The following LGR5 variants were observed in gnomAD, a reference collection of about 807,000 sequenced individuals.
LGR5 encodes the protein leucine rich repeat containing G protein-coupled receptor 5.
Under a neutral mutation model 76.7 loss-of-function variants are expected in LGR5, and 54 were observed. That is an observed-to-expected ratio of 0.70 (90% CI 0.57 to 0.88). The LOEUF (loss-of-function observed/expected upper bound fraction) is 0.88, where lower values mean the gene tolerates loss of function less well. Ranked by LOEUF, LGR5 falls within the 40% of genes least tolerant of loss-of-function variation. The pLI, the probability that LGR5 is intolerant of heterozygous loss-of-function variation, is 0.00. For synonymous variants in LGR5, 406 were observed against 421.9 expected (o/e 0.96, Z 0.46); for missense variants, 1,078 against 1,073.3 (o/e 1.00, Z -0.06).
chr12:71,574,288 C>A (rs763793804), intron 13 of LGR5, among the ~76,000 whole-genome samples: 47 of 96,480 alleles, frequency 4.9e-4, no homozygotes, highest in Non-Finnish European at 7.5e-4. Flanking sequence ...AGTGACAGAG[C>A]AAGACTCTGT....
At chr12:71,468,172 G>A (rs1299587757) in intron 1 of LGR5, among the ~76,000 whole-genome samples, 4 of 152,204 alleles carry the variant, frequency 2.6e-5, no homozygotes, top group Non-Finnish European at 5.9e-5. Context: ...GTTTTAGCAA[G>A]ACTACTGGGA....
intron 14 of LGR5, 46 bp from the exon 15 acceptor site, chr12:71,578,758 T>C: frequency 6.6e-7 from 1 of 1,524,664 alleles, no homozygotes. Context: ...ATAAACGTTT[T>C]ATGCTAACAT....
chr12:71,521,231 C>A (rs1295896733), intron 2 of LGR5, among the ~76,000 whole-genome samples: 3 of 152,164 alleles, frequency 2.0e-5, no homozygotes, highest in African/African-American at 4.8e-5. Context: ...AGTATGATAC[C>A]ATACCTTTCT....
At chr12:71,553,038 C>G (rs1423197057) in intron 4 of LGR5, 35 bp from the exon 5 acceptor site, 1 of 1,595,114 alleles carries the variant, frequency 6.3e-7, no homozygotes. Flanking sequence ...TTGGGCTTTG[C>G]TCTCTTTTCC....
chr12:71,523,626 A>G (rs540389307), intron 2 of LGR5, among the ~76,000 whole-genome samples: 2 of 152,342 alleles, frequency 1.3e-5, no homozygotes, highest in Non-Finnish European at 2.9e-5. Context: ...GTCCTTTAGT[A>G]TATGAGGTTA....
chr12:71,521,407 T>C (rs1261566887), intron 2 of LGR5, among the ~76,000 whole-genome samples: 2 of 152,210 alleles, frequency 1.3e-5, no homozygotes, highest in Non-Finnish European at 2.9e-5. Context: ...CCTGGGTTCC[T>C]TCTGGTTTTT....
intron 12 of LGR5, among the ~76,000 whole-genome samples, chr12:71,572,083 C>CT (rs35367098): frequency 0.18 from 25,317 of 137,400 alleles, 2,728 homozygotes; most frequent in East Asian, 0.43. Context: ...AAACATCAGC[C>CT]TTTTTTTTTT....
At chr12:71,574,405 C>T (rs74101179) in intron 13 of LGR5, among the ~76,000 whole-genome samples, 12,279 of 151,418 alleles carry the variant, frequency 0.081, 564 homozygotes, top group African/African-American at 0.097. Flanking sequence ...TCCTTCTTCC[C>T]CTGTGACCTC....
At chr12:71,545,523 A>G (rs758041465) in intron 4 of LGR5, among the ~76,000 whole-genome samples, 4 of 152,312 alleles carry the variant, frequency 2.6e-5, no homozygotes, top group Admixed American at 6.5e-5. Context: ...GCATTGCTTC[A>G]TAACTCTGTT....
intron 1 of LGR5, among the ~76,000 whole-genome samples, chr12:71,498,435 C>T (rs1381854481): frequency 6.6e-6 from 1 of 152,210 alleles, no homozygotes; most frequent in Non-Finnish European, 1.5e-5. Context: ...CCAGTGTCCT[C>T]TGGGGGTCAG....
intron 11 of LGR5, among the ~76,000 whole-genome samples, chr12:71,570,488 T>C (rs1327873635): frequency 1.3e-5 from 2 of 152,162 alleles, no homozygotes; most frequent in African/African-American, 4.8e-5. Context: ...AATTATCAGC[T>C]TTGATAATAT....
chr12:71,506,433 T>A (rs1305745574), intron 2 of LGR5, among the ~76,000 whole-genome samples: 1 of 152,116 alleles, frequency 6.6e-6, no homozygotes, highest in African/African-American at 2.4e-5. Flanking sequence ...TCTTTCTTCA[T>A]GAGGTGAATA....
chr12:71,518,826 T>TG (rs984490586), intron 2 of LGR5, among the ~76,000 whole-genome samples: 88 of 152,070 alleles, frequency 5.8e-4, no homozygotes, highest in African/African-American at 2.1e-3. Flanking sequence ...CAACACACAC[T>TG]GGGGCCTATC....
intron 2 of LGR5, among the ~76,000 whole-genome samples, chr12:71,521,740 A>G (rs985132661): frequency 2.0e-5 from 3 of 152,208 alleles, no homozygotes; most frequent in African/African-American, 7.2e-5. Context: ...TACTCAACTG[A>G]TTAGTCAGGC....
rs540725590 is a variant in LGR5 at position 71,443,109 on chromosome 12, A to G, written c.212+2817A>G. 2.1e-4 allele frequency among the ~76,000 whole-genome samples: 32 copies of G among 152,138 alleles called. 2 individuals carry two copies. In the South Asian group the frequency reaches 6.6e-3, roughly 32 times the overall value. On this transcript the variant is annotated intron_variant, in intron 1 of 17. Coordinates refer to ENST00000266674, the MANE Select transcript of LGR5 (RefSeq NM_003667.4). ...TCACCCAATCCCCTTCAAAAAAAGA[A>G]CAAGCATTTCCTTTTCTTCAAACAG...
chr12:71,538,177 T>G lies in LGR5; in HGVS notation c.428+2991T>G, dbSNP rs867229537. On this transcript the variant is annotated intron_variant, in intron 4 of 17. Transcript: ENST00000266674. ...ACACTGGCTACAAATAAGATTCTTC[T>G]GGAAAGACCCAAAGCCTAGACTGCA... Among the ~76,000 whole-genome samples, 13 of 152,254 alleles carry G rather than the reference T, an allele frequency of 8.5e-5. No homozygotes were observed. The Middle Eastern group carries it at 0.014, about 159-fold the overall frequency.
chr12:71,462,977 G>A (rs1019660451), intron 1 of LGR5, among the ~76,000 whole-genome samples: 1 of 152,126 alleles, frequency 6.6e-6, no homozygotes, highest in Non-Finnish European at 1.5e-5. Context: ...AATATTAATT[G>A]TGTCGCTAAC....
At chr12:71,480,291 G>A (rs940492690) in intron 1 of LGR5, among the ~76,000 whole-genome samples, 1 of 151,318 alleles carries the variant, frequency 6.6e-6, no homozygotes, top group African/African-American at 2.4e-5. Flanking sequence ...AACCTGGGAG[G>A]TGGAGATTGC....
chr12:71,491,374 C>G (rs1246075650), intron 1 of LGR5, among the ~76,000 whole-genome samples: 1 of 152,078 alleles, frequency 6.6e-6, no homozygotes, highest in South Asian at 2.1e-4. Flanking sequence ...AGTCATGAGT[C>G]TAGGGAAACC....
Sources: allele counts gnomAD v4.1 joint callset (sites outside exome capture counted in the v4.1 genomes callset), GRCh38; gene constraint gnomAD v4.1.1; transcripts MANE v1.5; gene names NCBI Gene and HGNC (gene_info 2026-07-23, HGNC 2026-07-21).